The following FAF1 variants were observed in gnomAD, a reference collection of about 807,000 sequenced individuals.
FAF1 encodes FAS-associated factor 1.
Under a neutral mutation model 92.5 loss-of-function variants are expected in FAF1, and 25 were observed. The ratio of observed to expected loss-of-function variants is 0.27; its 90% CI spans 0.20 to 0.38. The LOEUF is 0.38. Among genes scored for constraint, FAF1 ranks in the 10% least tolerant of loss-of-function variants. FAF1 has a pLI of 1.00. For synonymous variants in FAF1, 234 were observed against 273.2 expected, an observed-to-expected ratio of 0.86 and a Z score of 1.42; for missense variants, 636 against 793.3, an observed-to-expected ratio of 0.80 and a Z score of 2.38.
At chr1:50,612,282 T>C in intron 8 of FAF1, 1 of 948,956 alleles carries the variant, frequency 1.1e-6, no homozygotes, top group Admixed American at 3.0e-5. Flanking sequence ...CACAACAAAT[T>C]CAGAGAATCA....
intron 13 of FAF1, among the ~76,000 whole-genome samples, chr1:50,565,520 T>G (rs6679843): frequency 0.24 from 36,369 of 151,980 alleles, 4,727 homozygotes; most frequent in Middle Eastern, 0.44. Context: ...GCAGCTTCTG[T>G]CGCTTTGGTC....
chr1:50,466,978 T>C (rs761233516), intron 18 of FAF1, among the ~76,000 whole-genome samples: 12 of 152,214 alleles, frequency 7.9e-5, no homozygotes, highest in Non-Finnish European at 1.8e-4. Flanking sequence ...TGCTATCTCT[T>C]TTACACAATC....
chr1:50,942,656 A>G (rs1293761222), intron 1 of FAF1, among the ~76,000 whole-genome samples: 3 of 152,174 alleles, frequency 2.0e-5, no homozygotes, highest in Non-Finnish European at 4.4e-5. Context: ...TTACAATTTC[A>G]TGGATATTGG....
intron 2 of FAF1, among the ~76,000 whole-genome samples, chr1:50,823,803 T>C (rs990559358): frequency 7.2e-5 from 11 of 152,128 alleles, no homozygotes; most frequent in Non-Finnish European, 1.5e-4. Context: ...TTCATAATTA[T>C]TTGGGGGGTA....
At chr1:50,464,072 C>T (rs1646464585) in intron 18 of FAF1, among the ~76,000 whole-genome samples, 2 of 152,106 alleles carry the variant, frequency 1.3e-5, no homozygotes, top group African/African-American at 2.4e-5. Flanking sequence ...CTATTCTTTC[C>T]CAGCACAAGG....
intron 1 of FAF1, among the ~76,000 whole-genome samples, chr1:50,887,698 C>T (rs958002806): frequency 2.6e-5 from 4 of 152,036 alleles, no homozygotes; most frequent in Non-Finnish European, 5.9e-5. Flanking sequence ...AGATGTGTGG[C>T]ATTATTTTGG....
At chr1:50,774,210 T>A (rs1425651824) in intron 4 of FAF1, among the ~76,000 whole-genome samples, 1 of 152,206 alleles carries the variant, frequency 6.6e-6, no homozygotes, top group Non-Finnish European at 1.5e-5. Flanking sequence ...AATTTCATTG[T>A]CATTTCATGC....
intron 15 of FAF1, among the ~76,000 whole-genome samples, chr1:50,515,016 T>C (rs1647198877): frequency 6.6e-6 from 1 of 152,170 alleles, no homozygotes; most frequent in African/African-American, 2.4e-5. Context: ...TTTTTCCCCA[T>C]ACAATTTGTT....
At chr1:50,861,782 G>T (rs940447965) in intron 1 of FAF1, among the ~76,000 whole-genome samples, 1 of 151,698 alleles carries the variant, frequency 6.6e-6, no homozygotes, top group African/African-American at 2.4e-5. Flanking sequence ...TGAAAGACTA[G>T]AAAGGAAAAC....
chr1:50,610,368 T>C (rs533877711), intron 8 of FAF1, among the ~76,000 whole-genome samples: 1 of 152,340 alleles, frequency 6.6e-6, no homozygotes, highest in Admixed American at 6.5e-5. Context: ...CACACCATAA[T>C]GGCTTACCAC....
At chr1:50,707,604 G>A (rs1224861243) in intron 6 of FAF1, among the ~76,000 whole-genome samples, 1 of 151,838 alleles carries the variant, frequency 6.6e-6, no homozygotes, top group Non-Finnish European at 1.5e-5. Flanking sequence ...TGAGGCAGGA[G>A]AATCACTTGA....
rs1205081122 is a variant in FAF1, at chr1:50,583,499, T to C, written c.1031+153A>G. 6.6e-6 allele frequency among the ~76,000 whole-genome samples: 1 copy of C among 152,036 alleles called. No homozygotes were observed. The highest frequency in any genetic ancestry group is 1.9e-4 in the East Asian group (1 of 5,198). On this transcript the variant is annotated intron_variant, in intron 11 of 18. Transcript: ENST00000396153. This position sits in a 1 kb window ranked among gnomAD's most constrained non-coding sequence, Gnocchi z 4.2. ...GCATAAATGGTTTACTGGTTATTTA[T>C]GTGTTTCACTATTAGGACTATATAA...
chr1:50,620,628 C>T (rs1354107005), intron 8 of FAF1, among the ~76,000 whole-genome samples: 2 of 152,192 alleles, frequency 1.3e-5, no homozygotes, highest in African/African-American at 4.8e-5. Context: ...GGGACACTGG[C>T]TTTTTCAACT....
At chr1:50,830,631 G>A (rs1474042217) in intron 2 of FAF1, among the ~76,000 whole-genome samples, 1 of 150,072 alleles carries the variant, frequency 6.7e-6, no homozygotes, top group Non-Finnish European at 1.5e-5. Flanking sequence ...ATTAGCCAGT[G>A]TATACTGTGG....
chr1:50,472,588 T>C (rs759487739), intron 18 of FAF1, among the ~76,000 whole-genome samples: 1 of 151,986 alleles, frequency 6.6e-6, no homozygotes, highest in Admixed American at 6.6e-5. Context: ...TAACATGAAG[T>C]ATTGTTTTGG....
At chr1:50,751,439 G>T (rs1309041840) in intron 4 of FAF1, among the ~76,000 whole-genome samples, 1 of 152,064 alleles carries the variant, frequency 6.6e-6, no homozygotes, top group Non-Finnish European at 1.5e-5. Context: ...CGCCTCCCAG[G>T]TTCAAGCAAT....
At position 50,448,937 on chromosome 1, in the gene FAF1, C is replaced by CT. The variant is rs61654181; in HGVS notation, c.1870-7415dup. On this transcript the variant is annotated intron_variant, in intron 18 of 18. Coordinates refer to ENST00000396153, the MANE Select transcript of FAF1 (RefSeq NM_007051.3). ...ATGTAACATGATACGAGGGTCACAG[C>CT]TTTTTTTTTTTTTTTTTTCAAAGTC... Among the ~76,000 whole-genome samples the CT allele has an allele frequency of 3.0e-3, 379 of 124,532 alleles. 1 individual carries two copies. The highest frequency in any genetic ancestry group is 7.5e-3 in the South Asian group (29 of 3,856). The allele number at this position is 124,532 out of a possible 152,430, so 81.7% of individuals were successfully genotyped here.
At chr1:50,756,958 G>A (rs896771132) in intron 4 of FAF1, among the ~76,000 whole-genome samples, 7 of 152,140 alleles carry the variant, frequency 4.6e-5, no homozygotes, top group Non-Finnish European at 7.4e-5. Flanking sequence ...ATATCATCAT[G>A]TTTTCATCAC....
chr1:50,951,417 T>C (rs1035009926), intron 1 of FAF1, among the ~76,000 whole-genome samples: 2 of 152,200 alleles, frequency 1.3e-5, no homozygotes, highest in South Asian at 2.1e-4. Flanking sequence ...CTAAAATTTA[T>C]TGAACACTTT....
Sources: allele counts gnomAD v4.1 joint callset (sites outside exome capture counted in the v4.1 genomes callset), GRCh38; gene constraint gnomAD v4.1.1; non-coding constraint Gnocchi (gnomAD v3.1); transcripts MANE v1.5; gene names NCBI Gene and HGNC (gene_info 2026-07-23, HGNC 2026-07-21).